SLC12A8: variants seen among roughly 807,000 people sequenced by gnomAD.
SLC12A8 encodes the protein solute carrier family 12 member 8, also known as cation-chloride cotransporter 9.
In SLC12A8, 69 loss-of-function variants were observed where a neutral mutation model predicts 75.6. The ratio of observed to expected loss-of-function variants is 0.91; its 90% CI spans 0.75 to 1.11. The LOEUF (loss-of-function observed/expected upper bound fraction) is 1.11. Among genes scored for constraint, SLC12A8 ranks in the 50% most tolerant of loss-of-function variants. The pLI, the probability that SLC12A8 is intolerant of heterozygous loss-of-function variation, is 0.00. For missense variants in SLC12A8, 877 were observed against 896.7 expected, an observed-to-expected ratio of 0.98 and a Z score of 0.28; for synonymous variants, 365 against 372.8, an observed-to-expected ratio of 0.98 and a Z score of 0.24.
chr3:125,111,679 C>T (rs575708592), intron 8 of SLC12A8, among the ~76,000 whole-genome samples: 10 of 152,272 alleles, frequency 6.6e-5, no homozygotes, highest in South Asian at 2.1e-4. Context: ...GCACCGGATT[C>T]GTGTCACCAA....
intron 2 of SLC12A8, among the ~76,000 whole-genome samples, chr3:125,208,304 C>T (rs1292015212): frequency 6.6e-6 from 1 of 152,110 alleles, no homozygotes; most frequent in Non-Finnish European, 1.5e-5. Context: ...TGGTGTTGGC[C>T]CAAGGTATGA....
intron 7 of SLC12A8, chr3:125,119,890 T>G (rs896144409): frequency 4.4e-6 from 2 of 456,642 alleles, no homozygotes; most frequent in Non-Finnish European, 8.8e-6. Context: ...AGAAGCTTCT[T>G]CCTGTGGTAC....
intron 6 of SLC12A8, among the ~76,000 whole-genome samples, chr3:125,133,344 TACACACACACACACAC>T (rs374385025): frequency 1.3e-5 from 2 of 149,274 alleles, no homozygotes; most frequent in African/African-American, 4.9e-5. Context: ...TAATCAGGAA[TACACACACACACACAC>T]ACGCACACAC....
At chr3:125,182,546 G>A (rs970309845) in intron 4 of SLC12A8, among the ~76,000 whole-genome samples, 6 of 146,496 alleles carry the variant, frequency 4.1e-5, no homozygotes, top group Admixed American at 1.4e-4. Context: ...TTGCTCTGTC[G>A]CCTAGGCTAT....
At chr3:125,104,256 C>A (rs1207232687) in intron 10 of SLC12A8, among the ~76,000 whole-genome samples, 1 of 152,004 alleles carries the variant, frequency 6.6e-6, no homozygotes, top group East Asian at 1.9e-4. Flanking sequence ...CAGGCATATG[C>A]CACTATGCCC....
rs761956002 is a variant in SLC12A8 at position 125,088,414 on chromosome 3, T to C, written c.1922-44A>G. 9 of 1,583,556 alleles carry C rather than the reference T, an allele frequency of 5.7e-6. No individual in the cohort carries two copies. The Admixed American group carries it at 1.2e-4, about 21-fold the overall frequency. ...CATAACCATTTTTGAAGGTTCTACA[T>C]AAGGCATCTAGAAGCTCAGTTTTAA... On this transcript the variant is annotated intron_variant, in intron 12 of 13. Coordinates refer to ENST00000469902, the MANE Select transcript of SLC12A8 (RefSeq NM_024628.6).
intron 10 of SLC12A8, among the ~76,000 whole-genome samples, chr3:125,103,054 T>C (rs1938924461): frequency 1.3e-5 from 2 of 152,150 alleles, no homozygotes; most frequent in Admixed American, 1.3e-4. Context: ...AACCCTTCTG[T>C]TGCCCAATTC....
intron 2 of SLC12A8, among the ~76,000 whole-genome samples, chr3:125,193,324 T>C (rs1934942840): frequency 6.6e-6 from 1 of 152,258 alleles, no homozygotes; most frequent in South Asian, 2.1e-4. Flanking sequence ...GAGCCGAGAT[T>C]GCACCACTGC....
At chr3:125,088,511 A>G in intron 12 of SLC12A8, 141 bp from the exon 13 acceptor site, 1 of 684,760 alleles carries the variant, frequency 1.5e-6, no homozygotes, top group Non-Finnish European at 2.5e-6. Flanking sequence ...TTCAGTCTAA[A>G]CAAATAATTT....
chr3:125,120,944 G>A (rs1299774658), intron 6 of SLC12A8: 3 of 681,822 alleles, frequency 4.4e-6, no homozygotes, highest in Non-Finnish European at 7.9e-6. Flanking sequence ...GCATCCTACC[G>A]CTCAGCGCAA....
intron 2 of SLC12A8, among the ~76,000 whole-genome samples, chr3:125,194,965 G>T (rs1259330039): frequency 6.6e-6 from 1 of 152,242 alleles, no homozygotes; most frequent in African/African-American, 2.4e-5. Context: ...GACCACAGGG[G>T]TTGAGAGCTG....
At chr3:125,125,856 ATTAATG>A (rs1406964408) in intron 6 of SLC12A8, 3 of 789,536 alleles carry the variant, frequency 3.8e-6, no homozygotes, top group Non-Finnish European at 4.6e-6. Flanking sequence ...TAATTGCATG[ATTAATG>A]TGGGGTTACA....
intron 5 of SLC12A8, among the ~76,000 whole-genome samples, chr3:125,140,316 G>A (rs975144236): frequency 2.6e-5 from 4 of 152,160 alleles, no homozygotes; most frequent in Non-Finnish European, 5.9e-5. Flanking sequence ...GCTCCGGAAC[G>A]TGAAAAAGCT....
chr3:125,144,846 AC>A (rs1933733659), intron 5 of SLC12A8, among the ~76,000 whole-genome samples: 1 of 151,840 alleles, frequency 6.6e-6, no homozygotes, highest in South Asian at 2.1e-4. Context: ...AGGTCAAGTG[AC>A]CCCTGCAGGG....
At chr3:125,137,913 ACACGCTCACGCTCACACGCT>A (rs992175855) in intron 5 of SLC12A8, among the ~76,000 whole-genome samples, 2 of 150,316 alleles carry the variant, frequency 1.3e-5, no homozygotes, top group Non-Finnish European at 3.0e-5. Context: ...TCACGCTGAC[ACACGCTCACGCTCACACGCT>A]CACGCTCACA....
chr3:125,190,649 G>T (rs1222965492), intron 2 of SLC12A8, 128 bp from the exon 3 acceptor site: 2 of 1,076,956 alleles, frequency 1.9e-6, no homozygotes, highest in African/African-American at 1.6e-5. Context: ...TTGTGCCAGG[G>T]CAAGTGTGTG....
intron 5 of SLC12A8, among the ~76,000 whole-genome samples, chr3:125,146,551 T>C (rs1435279823): frequency 4.6e-5 from 7 of 152,234 alleles, no homozygotes; most frequent in Admixed American, 2.6e-4. Flanking sequence ...GATGGCACCC[T>C]GCATCCTTGC....
Position 125,107,982 on chromosome 3 carries a change from A to G in SLC12A8, c.1204T>C (p.Tyr402His), listed in dbSNP as rs1190702796. ...MLTYVAVDYS[Y>H]FSLSMCSCSL... ...CAGGAACACATGGACAGGGAGAAGT[A>G]AGAGTAGTCCACTGCAACGTATGTC... Residue 402 changes from tyrosine (Y) to histidine (H), a missense_variant, in exon 10 of 14, where the codon TAC (tyrosine) becomes CAC (histidine). Coordinates refer to ENST00000469902, the MANE Select transcript of SLC12A8 (RefSeq NM_024628.6). 1 of 1,614,178 alleles carries G rather than the reference A, an allele frequency of 6.2e-7. No individual in the cohort carries two copies. Among genetic ancestry groups the G allele is most frequent in the South Asian group, 1.1e-5 (1 of 91,078 alleles).
intron 5 of SLC12A8, among the ~76,000 whole-genome samples, chr3:125,150,485 A>T (rs563641463): frequency 6.6e-5 from 10 of 152,346 alleles, no homozygotes; most frequent in African/African-American, 2.2e-4. Context: ...ATCTGAATGT[A>T]CATAAGAATT....
Sources: gnomAD v4.1 joint callset for allele counts (sites outside exome capture counted in the v4.1 genomes callset) on GRCh38, gnomAD v4.1.1 for gene constraint, MANE v1.5 for transcripts, NCBI Gene and HGNC (gene_info 2026-07-23, HGNC 2026-07-21) for gene names.